PCDHGA1: variants seen among roughly 807,000 people sequenced by gnomAD.
PCDHGA1 encodes the protein protocadherin gamma-A1.
In PCDHGA1, 32 loss-of-function variants were observed where a neutral mutation model predicts 58.0. The ratio of observed to expected loss-of-function variants is 0.55; its 90% confidence interval spans 0.42 to 0.74. PCDHGA1 has a LOEUF of 0.74. Among genes scored for constraint, PCDHGA1 ranks in the 30% least tolerant of loss-of-function variants. The pLI, the probability that PCDHGA1 is intolerant of heterozygous loss-of-function variation, is 0.00. For missense variants in PCDHGA1, 1,205 were observed against 1,182.3 expected (o/e 1.02, Z -0.28); for synonymous variants, 498 against 501.1 (o/e 0.99, Z 0.08).
At position 141,510,984 on chromosome 5, in the gene PCDHGA1, C is replaced by A. The variant is rs375865663; in HGVS notation, c.2607C>A (p.Ala869=). 6.2e-7 allele frequency: 1 copy of A among 1,614,162 alleles called. No individual in the cohort carries two copies. The highest frequency in any genetic ancestry group is 8.5e-7 in the Non-Finnish European group (1 of 1,180,012). The part of the protein sequence containing the change: ...ADGSSTLGGG[A]GTMGLSARYG... The stretch of plus-strand genomic sequence containing the variant: ...GGAGCTCCACCCTGGGAGGGGGTGC[C>A]GGCACCATGGGATTGAGCGCCCGCT... Residue 869 remains alanine, a synonymous_variant, in exon 4 of 4, where the codon GCC becomes GCA. Coordinates refer to ENST00000517417, the MANE Select transcript of PCDHGA1 (RefSeq NM_018912.3).
rs1562131721 is a variant in PCDHGA1, at chr5:141,489,636, C to CGAGA, written c.2422-5171_2422-5170insGAGA. 10 of 1,614,074 alleles carry CGAGA rather than the reference C, an allele frequency of 6.2e-6. No individual in the cohort carries two copies. The highest frequency in any genetic ancestry group is 2.7e-5 in the African/African-American group (2 of 74,930). On this transcript the variant is annotated intron_variant, in intron 1 of 3. Coordinates refer to ENST00000517417, the MANE Select transcript of PCDHGA1 (RefSeq NM_018912.3). This position sits in a 1 kb window ranked among gnomAD's most constrained non-coding sequence, Gnocchi z 4.5. ...TGGATCTCAATGACAACTCTCCTAG[C>CGAGA]TTTGCCACCCCTGAGCGAGAGATGC...
At chr5:141,426,013 T>C (rs2096909409) in intron 1 of PCDHGA1, among the ~76,000 whole-genome samples, 1 of 152,144 alleles carries the variant, frequency 6.6e-6, no homozygotes, top group Admixed American at 6.5e-5. Flanking sequence ...CCGGCTGCAG[T>C]TTTCTAAATA....
At position 141,371,601 on chromosome 5, in the gene PCDHGA1, A is replaced by G. The variant is rs770903429; in HGVS notation, c.2421+38496A>G. 5 of 1,613,988 alleles carry G rather than the reference A, an allele frequency of 3.1e-6. No homozygotes were observed. The East Asian group carries it at 8.9e-5, about 29-fold the overall frequency. ...CGTTCAAGATACCAAAAACACATAC[A>G]GGTTGGTGACAGATGGAGCCCTGGA... On this transcript the variant is annotated intron_variant, in intron 1 of 3. Transcript: ENST00000517417.
At chr5:141,371,887 C>T (rs372336757) in intron 1 of PCDHGA1, 2 of 1,613,424 alleles carry the variant, frequency 1.2e-6, no homozygotes, top group African/African-American at 1.3e-5. Flanking sequence ...GACCTGGAGC[C>T]GCGGGAGCTG....
chr5:141,332,601 G>A lies in PCDHGA1; in HGVS notation c.1917G>A (p.Lys639=), dbSNP rs992040681. ...ARALLDRDAL[K]QSLVVAVQDH... Reference sequence around the variant, plus strand: ...CCCTGCTGGACAGAGACGCGCTCAAGCAGAGTCTCGTGGTGGCCGTCCAGG... The same window carrying A: ...CCCTGCTGGACAGAGACGCGCTCAAACAGAGTCTCGTGGTGGCCGTCCAGG... The change falls in exon 1 of 4, where the codon AAG becomes AAA. Residue 639 remains lysine, a synonymous_variant. Coordinates refer to ENST00000517417, the MANE Select transcript of PCDHGA1 (RefSeq NM_018912.3). This position sits in a 1 kb window ranked among gnomAD's most constrained non-coding sequence, Gnocchi z 4.6. 2 of 1,612,808 alleles carry A rather than the reference G, an allele frequency of 1.2e-6. No individual in the cohort carries two copies. Among genetic ancestry groups the A allele is most frequent in the Middle Eastern group, 1.9e-4 (1 of 5,368 alleles).
intron 1 of PCDHGA1, chr5:141,388,966 G>A: frequency 1.2e-6 from 2 of 1,614,014 alleles, no homozygotes; most frequent in Non-Finnish European, 1.7e-6. Flanking sequence ...GCCGAGCTGG[G>A]AACACATATT....
intron 1 of PCDHGA1, among the ~76,000 whole-genome samples, chr5:141,464,689 TATTATGA>T (rs1378742227): frequency 4.6e-5 from 7 of 152,182 alleles, no homozygotes; most frequent in Admixed American, 2.6e-4. Context: ...AAATTTCTCT[TATTATGA>T]ATGAGGTTAA....
chr5:141,385,481 G>A, intron 1 of PCDHGA1: 8 of 1,422,472 alleles, frequency 5.6e-6, no homozygotes, highest in Non-Finnish European at 6.4e-6. Context: ...CTTTAATATA[G>A]AACACATAGG....
intron 1 of PCDHGA1, chr5:141,414,124 G>T (rs1214312992): frequency 6.3e-7 from 1 of 1,592,872 alleles, no homozygotes; most frequent in East Asian, 2.3e-5. Flanking sequence ...TGAAGAAACC[G>T]GTTTCTATGA....
intron 1 of PCDHGA1, chr5:141,339,320 T>G: frequency 6.2e-7 from 1 of 1,614,276 alleles, no homozygotes; most frequent in Non-Finnish European, 8.5e-7. Context: ...ATTGACTATT[T>G]ATTCAGTAGA....
At chr5:141,333,242 A>G in intron 1 of PCDHGA1, 137 bp downstream of exon 1, 1 of 1,278,934 alleles carries the variant, frequency 7.8e-7, no homozygotes. Context: ...GTCCTGCAAA[A>G]TCACGATTGA....
At chr5:141,422,296 A>T (rs200545713) in intron 1 of PCDHGA1, 6 of 1,550,706 alleles carry the variant, frequency 3.9e-6, no homozygotes, top group Non-Finnish European at 4.3e-6. Context: ...TATTAATTCA[A>T]TTCTGGAAAA....
chr5:141,375,065 C>A, intron 1 of PCDHGA1: 1 of 1,613,932 alleles, frequency 6.2e-7, no homozygotes, highest in Non-Finnish European at 8.5e-7. Flanking sequence ...GCCAGGTCTT[C>A]GAGACAGAGC....
intron 1 of PCDHGA1, among the ~76,000 whole-genome samples, chr5:141,397,623 T>A (rs2093546552): frequency 6.6e-6 from 1 of 152,242 alleles, no homozygotes; most frequent in South Asian, 2.1e-4. Context: ...TACTTAGTTC[T>A]AGCTAAGAGT....
intron 1 of PCDHGA1, among the ~76,000 whole-genome samples, chr5:141,464,197 G>A (rs1216682352): frequency 3.3e-5 from 5 of 151,394 alleles, no homozygotes; most frequent in African/African-American, 9.7e-5. Context: ...TTCAGGAGGC[G>A]GAGATTGCAG....
At chr5:141,355,628 C>T (rs1759918575) in intron 1 of PCDHGA1, 1 of 1,613,862 alleles carries the variant, frequency 6.2e-7, no homozygotes, top group South Asian at 1.1e-5. Flanking sequence ...ATAAAAGTTG[C>T]TGAAAATGAA....
intron 2 of PCDHGA1, among the ~76,000 whole-genome samples, chr5:141,501,009 C>T (rs2099804715): frequency 2.0e-5 from 3 of 152,040 alleles, no homozygotes; most frequent in Non-Finnish European, 4.4e-5. Context: ...GCTGGGACTA[C>T]AGGCACGCGC....
At position 141,330,644 on chromosome 5, in the gene PCDHGA1, C is replaced by T; in HGVS notation, c.-41C>T. On this transcript the variant is annotated 5_prime_UTR_variant, in exon 1 of 4. Coordinates refer to ENST00000517417, the MANE Select transcript of PCDHGA1 (RefSeq NM_018912.3). ...AGCTCAGAAAAGCAGAAACGATACC[C>T]TTGGTACTGGACTGGAAGAAAACTA... is the stretch of plus-strand genomic sequence containing the variant. The T allele has an allele frequency of 1.3e-6, 2 of 1,552,134 alleles. No homozygotes were observed. Among genetic ancestry groups the T allele is most frequent in the African/African-American group, 1.4e-5 (1 of 72,882 alleles).
rs138616951 is a variant in PCDHGA1, at chr5:141,490,312, C to T, written c.2422-4495C>T. On this transcript the variant is annotated intron_variant, in intron 1 of 3. Transcript: ENST00000517417. The surrounding 1 kb of genome is among the most constrained non-coding windows in gnomAD (Gnocchi z 5.4). ...GGTGCTATTGGCCTCTTTGGCCAAC[C>T]CTGTCCTAGAGAGCACACCAGTGGG... 67 of 1,614,050 alleles carry T rather than the reference C, an allele frequency of 4.2e-5. No individual in the cohort carries two copies. The highest frequency in any genetic ancestry group is 5.3e-5 in the Non-Finnish European group (63 of 1,180,008).
Sources: allele counts gnomAD v4.1 joint callset (sites outside exome capture counted in the v4.1 genomes callset), GRCh38; gene constraint gnomAD v4.1.1; non-coding constraint Gnocchi (gnomAD v3.1); transcripts MANE v1.5; gene names NCBI Gene and HGNC (gene_info 2026-07-23, HGNC 2026-07-21).